The following PBX3 variants were observed in gnomAD, a reference collection of about 807,000 sequenced individuals.
PBX3 encodes the protein PBX homeobox 3.
A neutral mutation model predicts 48.5 loss-of-function variants in PBX3; 14 were observed. That is an observed-to-expected ratio of 0.29 (90% CI 0.19 to 0.45). The LOEUF is 0.45. Among genes scored for constraint, PBX3 ranks in the 20% least tolerant of loss-of-function variants. The pLI, the probability that PBX3 is intolerant of heterozygous loss-of-function variation, is 1.00. For synonymous variants in PBX3, 210 were observed against 200.3 expected (o/e 1.05, Z -0.41); for missense variants, 386 against 546.7 (o/e 0.71, Z 2.93).
At chr9:125,955,520 T>C (rs1231469099) in intron 5 of PBX3, among the ~76,000 whole-genome samples, 1 of 152,248 alleles carries the variant, frequency 6.6e-6, no homozygotes, top group Non-Finnish European at 1.5e-5. Flanking sequence ...ATCAAAAGTT[T>C]CTGGGATCTC....
At chr9:125,769,016 A>G (rs937872743) in intron 2 of PBX3, among the ~76,000 whole-genome samples, 3 of 152,176 alleles carry the variant, frequency 2.0e-5, no homozygotes, top group African/African-American at 7.2e-5. Flanking sequence ...CAGTTATGCA[A>G]GTGCTTTCCT....
intron 2 of PBX3, among the ~76,000 whole-genome samples, chr9:125,908,036 T>C (rs1280828896): frequency 6.6e-6 from 1 of 152,098 alleles, no homozygotes; most frequent in Non-Finnish European, 1.5e-5. Context: ...ACATAGAGGA[T>C]TTTTAGGCTA....
intron 2 of PBX3, among the ~76,000 whole-genome samples, chr9:125,897,990 C>T (rs73667284): frequency 0.023 from 3,511 of 151,488 alleles, 154 homozygotes; most frequent in African/African-American, 0.08. Flanking sequence ...CCTTCTTTAA[C>T]GGATATGGCC....
intron 5 of PBX3, among the ~76,000 whole-genome samples, chr9:125,956,159 G>A (rs2086761425): frequency 6.6e-6 from 1 of 152,184 alleles, no homozygotes; most frequent in Non-Finnish European, 1.5e-5. Context: ...CTGTGAGGAA[G>A]ATACTACTAT....
intron 2 of PBX3, among the ~76,000 whole-genome samples, chr9:125,774,769 T>C (rs1036034341): frequency 1.3e-5 from 2 of 152,054 alleles, no homozygotes; most frequent in Non-Finnish European, 2.9e-5. Flanking sequence ...CAGCTAGGAG[T>C]AGAACTGCTA....
chr9:125,963,036 A>C lies in PBX3; in HGVS notation c.1147A>C (p.Asn383His), dbSNP rs1842462984. The C allele has an allele frequency of 1.2e-6, 2 of 1,608,140 alleles. No homozygotes were observed. The highest frequency in any genetic ancestry group is 4.5e-5 in the East Asian group (2 of 44,728). ...GGTGGATACCCTCCGTCATGTTATC[A>C]ATCAGACGGGAGGCTACAGTGATGG... The part of the protein sequence containing the change: ...SQVDTLRHVI[N>H]QTGGYSDGLG... Residue 383 changes from asparagine (N) to histidine (H), a missense_variant, in exon 8 of 9, where the codon AAT (asparagine) becomes CAT (histidine). Asn to His is a moderately conservative substitution (Grantham distance 68). Transcript: ENST00000373489.
intron 2 of PBX3, among the ~76,000 whole-genome samples, chr9:125,901,278 T>C (rs572558845): frequency 3.6e-4 from 55 of 151,846 alleles, no homozygotes; most frequent in African/African-American, 1.3e-3. Flanking sequence ...TTTTCACTTA[T>C]AGGCCATTTA....
At chr9:125,881,023 AGTCTT>A (rs1840369645) in intron 2 of PBX3, among the ~76,000 whole-genome samples, 1 of 152,254 alleles carries the variant, frequency 6.6e-6, no homozygotes, top group South Asian at 2.1e-4. Flanking sequence ...TTTCTCATTA[AGTCTT>A]TTCAAAACTT....
At chr9:125,961,934 C>T (rs1172486894) in intron 6 of PBX3, among the ~76,000 whole-genome samples, 168 bp from the exon 7 acceptor site, 1 of 152,232 alleles carries the variant, frequency 6.6e-6, no homozygotes, top group Non-Finnish European at 1.5e-5. Flanking sequence ...GAGTGACTCA[C>T]AGGACCCAAC....
At chr9:125,939,024 C>G (rs13291281) in intron 5 of PBX3, among the ~76,000 whole-genome samples, 10,666 of 151,842 alleles carry the variant, frequency 0.07, 865 homozygotes, top group African/African-American at 0.18. Context: ...CACACACACA[C>G]AGCATGAGTG....
chr9:125,896,541 A>G (rs1325712478), intron 2 of PBX3, among the ~76,000 whole-genome samples: 1 of 152,032 alleles, frequency 6.6e-6, no homozygotes, highest in Non-Finnish European at 1.5e-5. Context: ...TATATTTTTG[A>G]TTTAGAAACA....
At chr9:125,874,913 G>A (rs1840213446) in intron 2 of PBX3, among the ~76,000 whole-genome samples, 1 of 152,014 alleles carries the variant, frequency 6.6e-6, no homozygotes, top group African/African-American at 2.4e-5. Context: ...GTTTAACATA[G>A]CAAAAAAGGG....
At chr9:125,965,202 AG>A (rs1185102608) in intron 8 of PBX3, among the ~76,000 whole-genome samples, 3 of 152,254 alleles carry the variant, frequency 2.0e-5, no homozygotes, top group Non-Finnish European at 2.9e-5. Context: ...GGTCTGAGGC[AG>A]GAAGGGCCAG....
At chr9:125,801,633 GTATGT>G (rs1837947586) in intron 2 of PBX3, among the ~76,000 whole-genome samples, 1 of 151,368 alleles carries the variant, frequency 6.6e-6, no homozygotes, top group Non-Finnish European at 1.5e-5. Context: ...AATTAGTGAT[GTATGT>G]TATCGTGTGA....
chr9:125,859,608 A>G (rs1839810177), intron 2 of PBX3, among the ~76,000 whole-genome samples: 1 of 152,204 alleles, frequency 6.6e-6, no homozygotes, highest in African/African-American at 2.4e-5. Context: ...CTGAGCTGAC[A>G]TTTGAATTTG....
intron 5 of PBX3, 41 bp downstream of exon 5, chr9:125,935,648 A>G: frequency 6.4e-7 from 1 of 1,561,154 alleles, no homozygotes; most frequent in Non-Finnish European, 8.7e-7. Context: ...CCCTGTGGAG[A>G]CAGGAACCTC....
At chr9:125,851,296 C>A (rs1194647000) in intron 2 of PBX3, among the ~76,000 whole-genome samples, 1 of 150,472 alleles carries the variant, frequency 6.6e-6, no homozygotes, top group African/African-American at 2.5e-5. Flanking sequence ...AAGAATTTCC[C>A]AAATCTGTTG....
intron 2 of PBX3, among the ~76,000 whole-genome samples, chr9:125,911,541 C>T (rs1216657578): frequency 6.6e-6 from 1 of 152,034 alleles, no homozygotes; most frequent in Non-Finnish European, 1.5e-5. Flanking sequence ...AAAATTGTCG[C>T]TTATTTCAAA....
At chr9:125,902,852 C>A (rs1840981825) in intron 2 of PBX3, among the ~76,000 whole-genome samples, 1 of 151,580 alleles carries the variant, frequency 6.6e-6, no homozygotes, top group Non-Finnish European at 1.5e-5. Context: ...TGAACTAGAC[C>A]AAGTAATCTG....
Sources: allele counts gnomAD v4.1 joint callset (sites outside exome capture counted in the v4.1 genomes callset), GRCh38; gene constraint gnomAD v4.1.1; transcripts MANE v1.5; gene names NCBI Gene and HGNC (gene_info 2026-07-23, HGNC 2026-07-21).